Variants in SIPA1L3 observed in about 807,000 individuals in gnomAD.
SIPA1L3 encodes the protein signal-induced proliferation-associated 1-like protein 3.
In SIPA1L3, 59 loss-of-function variants were observed where a neutral mutation model predicts 150.1. The ratio of observed to expected loss-of-function variants is 0.39; its 90% CI spans 0.32 to 0.49. SIPA1L3 has a LOEUF of 0.49. Ranked by LOEUF, SIPA1L3 falls within the 20% of genes least tolerant of loss-of-function variation. The probability of loss-of-function intolerance (pLI) is 0.86; values close to 1 mark genes in which losing one functional copy is unlikely to be tolerated. For missense variants in SIPA1L3, 2,211 were observed against 2,489.5 expected (o/e 0.89, Z 2.38); for synonymous variants, 1,070 against 1,077.6 (o/e 0.99, Z 0.14).
At chr19:38,202,121 A>G (rs1437645056) in intron 20 of SIPA1L3, 124 bp downstream of exon 20, 8 of 887,132 alleles carry the variant, frequency 9.0e-6, no homozygotes, top group Non-Finnish European at 1.3e-5. Context: ...AAGCTGATAT[A>G]GCAGCTACTC....
intron 1 of SIPA1L3, among the ~76,000 whole-genome samples, chr19:37,931,203 A>G (rs1599806979): frequency 6.6e-6 from 1 of 152,354 alleles, no homozygotes; most frequent in South Asian, 2.1e-4. Context: ...AGCCACAAGC[A>G]TAGTGCTCAC....
At chr19:37,944,338 C>T (rs2046690289) in intron 1 of SIPA1L3, among the ~76,000 whole-genome samples, 1 of 151,610 alleles carries the variant, frequency 6.6e-6, no homozygotes, top group African/African-American at 2.4e-5. Context: ...CCTGGCTTTG[C>T]CCCCAGGTCC....
chr19:38,164,395 G>C lies in SIPA1L3; in HGVS notation c.3781-84G>C. Reference sequence around the variant, plus strand: ...TGAAGCTGTCTGGTCCCAGGGTTCAGGCCCAGGCAGAGGGAGGACCCGGCA... The same window carrying C: ...TGAAGCTGTCTGGTCCCAGGGTTCACGCCCAGGCAGAGGGAGGACCCGGCA... On this transcript the variant is annotated intron_variant, in intron 14 of 21. Coordinates refer to ENST00000222345, the MANE Select transcript of SIPA1L3 (RefSeq NM_015073.3). The surrounding 1 kb of genome is among the most constrained non-coding windows in gnomAD (Gnocchi z 4.1). 7.4e-7 allele frequency: 1 copy of C among 1,343,530 alleles called. No homozygotes were observed. Among genetic ancestry groups the C allele is most frequent in the Non-Finnish European group, 1.0e-6 (1 of 963,524 alleles). 83.2% of individuals were successfully genotyped at this position (1,343,530 alleles called of 1,614,324 possible).
intron 4 of SIPA1L3, among the ~76,000 whole-genome samples, chr19:38,091,812 CT>C (rs939643033): frequency 1.3e-5 from 2 of 151,836 alleles, no homozygotes; most frequent in African/African-American, 4.8e-5. Flanking sequence ...AATCCCAGCA[CT>C]TTGGGAGGCT....
intron 1 of SIPA1L3, among the ~76,000 whole-genome samples, chr19:37,963,090 A>G (rs542999737): frequency 2.0e-5 from 3 of 152,236 alleles, no homozygotes; most frequent in Admixed American, 6.5e-5. Flanking sequence ...TAAAGCTTCC[A>G]TCCTTTGCCA....
At chr19:37,911,705 G>T (rs544911125) in intron 1 of SIPA1L3, among the ~76,000 whole-genome samples, 21 of 151,692 alleles carry the variant, frequency 1.4e-4, no homozygotes, top group African/African-American at 4.1e-4. Context: ...TAGAGATGGG[G>T]TTTCACCGTG....
intron 4 of SIPA1L3, among the ~76,000 whole-genome samples, chr19:38,097,250 T>C (rs1970399997): frequency 6.6e-6 from 1 of 152,160 alleles, no homozygotes; most frequent in African/African-American, 2.4e-5. Flanking sequence ...CTCAGGAGGC[T>C]GAGGCAGGGG....
chr19:38,013,955 A>G (rs922964689), intron 1 of SIPA1L3, among the ~76,000 whole-genome samples: 1 of 152,258 alleles, frequency 6.6e-6, no homozygotes, highest in African/African-American at 2.4e-5. Context: ...GATCCTGTTG[A>G]TGTAAAATAC....
intron 1 of SIPA1L3, among the ~76,000 whole-genome samples, chr19:37,996,769 C>T (rs1009883894): frequency 5.9e-5 from 9 of 152,214 alleles, no homozygotes; most frequent in East Asian, 1.9e-4. Flanking sequence ...CATCTCAGCT[C>T]GCTACACCCT....
chr19:38,073,494 C>T (rs1969768550), intron 2 of SIPA1L3, among the ~76,000 whole-genome samples: 1 of 152,246 alleles, frequency 6.6e-6, no homozygotes, highest in South Asian at 2.1e-4. Flanking sequence ...CATTTTGCTG[C>T]TGTCTCCCAG....
intron 1 of SIPA1L3, among the ~76,000 whole-genome samples, chr19:37,985,049 G>GT (rs1373216523): frequency 6.6e-6 from 1 of 152,160 alleles, no homozygotes; most frequent in Non-Finnish European, 1.5e-5. Flanking sequence ...GAAATAAACA[G>GT]TATTTATCAG....
chr19:38,067,028 G>A (rs1969609693), intron 2 of SIPA1L3, among the ~76,000 whole-genome samples: 1 of 151,638 alleles, frequency 6.6e-6, no homozygotes, highest in African/African-American at 2.4e-5. Flanking sequence ...CTTAAGCCCG[G>A]GAGTTCAAGA....
At chr19:38,182,447 C>T in intron 15 of SIPA1L3, 72 bp from the exon 16 acceptor site, 2 of 1,164,596 alleles carry the variant, frequency 1.7e-6, no homozygotes, top group Non-Finnish European at 1.2e-6. Context: ...CAAGAGTAAA[C>T]TTCAATAGCT....
intron 13 of SIPA1L3, among the ~76,000 whole-genome samples, chr19:38,158,325 T>C (rs900867480): frequency 6.6e-6 from 1 of 151,804 alleles, no homozygotes; most frequent in African/African-American, 2.4e-5. Context: ...TCAGGTGAGG[T>C]TGGAATAATG....
chr19:37,916,908 A>G (rs1450255064), intron 1 of SIPA1L3, among the ~76,000 whole-genome samples: 1 of 151,932 alleles, frequency 6.6e-6, no homozygotes, highest in Non-Finnish European at 1.5e-5. Context: ...GCAGTGAGCC[A>G]AGATTGCACC....
chr19:37,958,269 T>TA (rs1056202986), intron 1 of SIPA1L3, among the ~76,000 whole-genome samples: 11 of 151,714 alleles, frequency 7.3e-5, no homozygotes, highest in African/African-American at 1.9e-4. Context: ...CCCTGCTCTA[T>TA]AAAAAATTAG....
At chr19:37,946,538 T>C (rs1234653754) in intron 1 of SIPA1L3, among the ~76,000 whole-genome samples, 1 of 152,244 alleles carries the variant, frequency 6.6e-6, no homozygotes, top group Non-Finnish European at 1.5e-5. Context: ...TATGTATCTG[T>C]TTATTAATCA....
At chr19:38,113,678 T>C (rs1378018802) in intron 8 of SIPA1L3, among the ~76,000 whole-genome samples, 1 of 152,042 alleles carries the variant, frequency 6.6e-6, no homozygotes, top group Non-Finnish European at 1.5e-5. Context: ...GTAACCCCAT[T>C]TCATGTTTAG....
intron 12 of SIPA1L3, among the ~76,000 whole-genome samples, chr19:38,143,542 CT>C (rs10669806): frequency 2.6e-3 from 207 of 79,982 alleles, no homozygotes; most frequent in Non-Finnish European, 3.4e-3. Flanking sequence ...CTTTCTGTGT[CT>C]TTTTTTTTTT....
Sources: allele counts gnomAD v4.1 joint callset (sites outside exome capture counted in the v4.1 genomes callset), GRCh38; gene constraint gnomAD v4.1.1; non-coding constraint Gnocchi (gnomAD v3.1); transcripts MANE v1.5; gene names NCBI Gene and HGNC (gene_info 2026-07-23, HGNC 2026-07-21).